TM4SF4: variants seen among roughly 807,000 people sequenced by gnomAD.
The protein encoded by TM4SF4 is transmembrane 4 L six family member 4, also known as transmembrane 4 L6 family member 4.
A neutral mutation model predicts 24.1 loss-of-function variants in TM4SF4; 24 were observed. The observed-to-expected ratio is 1.00, with a 90% confidence interval of 0.72 to 1.40. TM4SF4 has a LOEUF of 1.40. Ranked by LOEUF, TM4SF4 falls within the 40% of genes most tolerant of loss-of-function variation. TM4SF4 has a pLI of 0.00. For synonymous variants in TM4SF4, 113 were observed against 97.0 expected (o/e 1.17, Z -0.97); for missense variants, 254 against 254.2 (o/e 1.00, Z 0.01).
rs975150304 is a variant in TM4SF4, at chr3:149,502,849, G to A, written c.*156G>A. The A allele has an allele frequency of 2.2e-5, 11 of 509,496 alleles. No homozygotes were observed. Among genetic ancestry groups the A allele is most frequent in the Admixed American group, 7.0e-5 (2 of 28,630 alleles). 31.6% of individuals were successfully genotyped at this position (509,496 alleles called of 1,614,324 possible). Reference sequence around the variant, plus strand: ...TCCTTCTTTCCAACCAGCTTTGCTCGAGTTAGAATTTTGTTATTTTCAAAT... The same window carrying A: ...TCCTTCTTTCCAACCAGCTTTGCTCAAGTTAGAATTTTGTTATTTTCAAAT... On this transcript the variant is annotated 3_prime_UTR_variant, in exon 5 of 5. Coordinates refer to ENST00000305354, the MANE Select transcript of TM4SF4 (RefSeq NM_004617.4).
intron 4 of TM4SF4, among the ~76,000 whole-genome samples, chr3:149,499,677 T>C (rs1409503702): frequency 1.3e-5 from 2 of 152,174 alleles, no homozygotes; most frequent in African/African-American, 2.4e-5. Context: ...CTTAATATTA[T>C]GGTAAAACTT....
chr3:149,502,224 C>T (rs1163309731), intron 4 of TM4SF4, among the ~76,000 whole-genome samples: 2 of 152,126 alleles, frequency 1.3e-5, no homozygotes, highest in African/African-American at 2.4e-5. Context: ...GGTCTCTCAG[C>T]ACCTCTTACC....
intron 2 of TM4SF4, among the ~76,000 whole-genome samples, chr3:149,481,104 C>A (rs1734025996): frequency 1.3e-5 from 2 of 152,290 alleles, no homozygotes; most frequent in South Asian, 2.1e-4. Context: ...TCTTGATCTG[C>A]CTGCCTTAGC....
intron 4 of TM4SF4, 141 bp downstream of exon 4, chr3:149,499,052 T>A: frequency 1.2e-6 from 1 of 802,688 alleles, no homozygotes; most frequent in East Asian, 2.6e-5. Flanking sequence ...CAGCCCAGGT[T>A]GGGAAGCCCA....
chr3:149,496,396 G>C (rs73152650), intron 3 of TM4SF4, among the ~76,000 whole-genome samples: 82 of 151,874 alleles, frequency 5.4e-4, no homozygotes, highest in African/African-American at 2.0e-3. Context: ...TTCTAAAATC[G>C]GTACTTTTTA....
chr3:149,487,029 G>A (rs562634868), intron 2 of TM4SF4, among the ~76,000 whole-genome samples: 100 of 152,242 alleles, frequency 6.6e-4, no homozygotes, highest in African/African-American at 2.3e-3. Flanking sequence ...CAAGGCAGGC[G>A]AATCAACTGA....
intron 2 of TM4SF4, among the ~76,000 whole-genome samples, chr3:149,476,795 TTTTTTTGTTTTTGTTTTTG>T (rs1235765187): frequency 0.06 from 4,781 of 80,140 alleles, 149 homozygotes; most frequent in Non-Finnish European, 0.08. Context: ...CTTTTCTGTT[TTTTTTTGTTTTTGTTTTTG>T]TTTTTTTTTT....
At chr3:149,476,612 T>C (rs1159836781) in intron 2 of TM4SF4, among the ~76,000 whole-genome samples, 1 of 152,208 alleles carries the variant, frequency 6.6e-6, no homozygotes, top group Non-Finnish European at 1.5e-5. Context: ...AGCAGGAAGC[T>C]GGACTAGACC....
chr3:149,481,510 C>T (rs1402718954), intron 2 of TM4SF4, among the ~76,000 whole-genome samples: 2 of 152,164 alleles, frequency 1.3e-5, no homozygotes, highest in Non-Finnish European at 2.9e-5. Context: ...CCACTCCCTT[C>T]CCAAGCCTAG....
intron 3 of TM4SF4, among the ~76,000 whole-genome samples, chr3:149,489,431 CTA>C (rs1734172982): frequency 6.6e-6 from 1 of 152,222 alleles, no homozygotes; most frequent in Non-Finnish European, 1.5e-5. Context: ...TGAAATAAAT[CTA>C]TGTCCAAAAC....
rs1195828901 is a variant in TM4SF4, at chr3:149,499,002, T to A, written c.591+91T>A. On this transcript the variant is annotated intron_variant, in intron 4 of 4. Coordinates refer to ENST00000305354, the MANE Select transcript of TM4SF4 (RefSeq NM_004617.4). ...GGAGGCCAGGTCAGGCCACCAGCAC[T>A]GAAGGAATGAGGGGGTAAGTGTGGC... The A allele has an allele frequency of 4.4e-6, 6 of 1,374,118 alleles. No homozygotes were observed. In the East Asian group the frequency reaches 1.4e-4, roughly 32 times the overall value. The allele number at this position is 1,374,118 out of a possible 1,614,324, so 85.1% of individuals were successfully genotyped here.
intron 4 of TM4SF4, among the ~76,000 whole-genome samples, chr3:149,501,480 A>G (rs1317723051): frequency 2.6e-5 from 4 of 152,130 alleles, no homozygotes; most frequent in Admixed American, 6.5e-5. Flanking sequence ...AATTCTTAAT[A>G]TTTTCTCACC....
intron 4 of TM4SF4, among the ~76,000 whole-genome samples, chr3:149,500,418 T>TA (rs1384998679): frequency 6.6e-6 from 1 of 152,090 alleles, no homozygotes; most frequent in East Asian, 1.9e-4. Context: ...AAATCAGCAG[T>TA]AAAATGTGTG....
At chr3:149,486,218 G>A (rs1000955317) in intron 2 of TM4SF4, among the ~76,000 whole-genome samples, 1 of 152,106 alleles carries the variant, frequency 6.6e-6, no homozygotes, top group African/African-American at 2.4e-5. Context: ...GAAAATAGCC[G>A]ACATTTAGCT....
intron 3 of TM4SF4, among the ~76,000 whole-genome samples, chr3:149,491,780 G>C (rs1734214415): frequency 6.6e-6 from 1 of 152,118 alleles, no homozygotes; most frequent in Non-Finnish European, 1.5e-5. Flanking sequence ...AGGTGACATG[G>C]GCTGATTTTG....
In TM4SF4 at chr3:149,498,895, G is replaced by A. The variant is rs1286202395; in HGVS notation, c.575G>A (p.Cys192Tyr). The A allele has an allele frequency of 6.2e-7, 1 of 1,613,902 alleles. No homozygotes were observed. The highest frequency in any genetic ancestry group is 1.7e-5 in the Admixed American group (1 of 60,028). ...GGGACCCTCTGTGGGGACTGCCAGT[G>A]TTGTGGCTGCTGTGGGGTAAGTTCA... is the stretch of plus-strand genomic sequence containing the variant. Reference protein sequence around the residue: ...LLGTLCGDCQCCGCCGGDGPV With the variant: ...LLGTLCGDCQYCGCCGGDGPV Residue 192 changes from cysteine (C) to tyrosine (Y), a missense_variant, in exon 4 of 5, where the codon TGT becomes TAT. By Grantham distance (194) the Cys-to-Tyr change is radical. Coordinates refer to ENST00000305354, the MANE Select transcript of TM4SF4 (RefSeq NM_004617.4).
chr3:149,485,333 G>A (rs913894605), intron 2 of TM4SF4, among the ~76,000 whole-genome samples: 45 of 152,142 alleles, frequency 3.0e-4, no homozygotes, highest in African/African-American at 9.9e-4. Context: ...GTTCTAACAC[G>A]AGAAATTTAC....
intron 3 of TM4SF4, among the ~76,000 whole-genome samples, chr3:149,498,249 A>G (rs1734349606): frequency 6.6e-6 from 1 of 152,222 alleles, no homozygotes; most frequent in Non-Finnish European, 1.5e-5. Context: ...ATCTGTCAAA[A>G]GTCAAAACGG....
intron 2 of TM4SF4, among the ~76,000 whole-genome samples, chr3:149,480,287 G>T (rs1445800224): frequency 2.0e-5 from 3 of 152,108 alleles, no homozygotes; most frequent in Admixed American, 6.5e-5. Context: ...CGCAGTGGGG[G>T]AGCAAATTAA....
Sources: allele counts gnomAD v4.1 joint callset (sites outside exome capture counted in the v4.1 genomes callset), GRCh38; gene constraint gnomAD v4.1.1; transcripts MANE v1.5; gene names NCBI Gene and HGNC (gene_info 2026-07-23, HGNC 2026-07-21).